Variants in NHERF4 observed in about 807,000 individuals in gnomAD.
The protein encoded by NHERF4 is NHERF family PDZ scaffold protein 4.
At chr11:119,187,254 C>T in the NHERF4 span, 11 of 1,573,462 alleles carry the variant, frequency 7.0e-6, no homozygotes, top group African/African-American at 5.4e-5. Context: ...CCCACGCCCA[C>T]GTGCCCTCTG....
At chr11:119,186,193 TCC>T in the NHERF4 span, 1 of 1,613,988 alleles carries the variant, frequency 6.2e-7, no homozygotes, top group Middle Eastern at 1.6e-4. The surrounding 1 kb of genome is among the most constrained non-coding windows in gnomAD (Gnocchi z 4.4). Context: ...TGGCAACCAT[TCC>T]CTATCCCTGG....
At chr11:119,188,919 C>A in the NHERF4 span, 1 of 1,610,294 alleles carries the variant, frequency 6.2e-7, no homozygotes, top group Non-Finnish European at 8.5e-7. Context: ...GCTGCCTGAT[C>A]GGTCTTCCTC....
the NHERF4 span, chr11:119,188,753 C>T: frequency 4.8e-5 from 77 of 1,613,990 alleles, no homozygotes; most frequent in Non-Finnish European, 5.8e-5. Context: ...AAGACACAAG[C>T]GTGCCTTCTG....
At chr11:119,187,808 T>G in the NHERF4 span, 526 of 1,457,198 alleles carry the variant, frequency 3.6e-4, 3 homozygotes, top group East Asian at 8.6e-3. Flanking sequence ...GTCTCCTACC[T>G]TTATCACCAT....
chr11:119,189,247 G>A, the NHERF4 span: 1 of 1,570,350 alleles, frequency 6.4e-7, no homozygotes, highest in Non-Finnish European at 8.6e-7. The surrounding 1 kb of genome is among the most constrained non-coding windows in gnomAD (Gnocchi z 5.8). Flanking sequence ...TAGCTACAGA[G>A]GGCAGGGAGG....
At chr11:119,188,018 C>T in the NHERF4 span, 4 of 1,561,454 alleles carry the variant, frequency 2.6e-6, no homozygotes, top group Non-Finnish European at 2.6e-6. Context: ...GCTGGGATTG[C>T]CCCTGGCTGC....
the NHERF4 span, chr11:119,186,632 A>G: frequency 3.7e-6 from 6 of 1,613,092 alleles, no homozygotes; most frequent in East Asian, 1.3e-4. The surrounding 1 kb of genome is among the most constrained non-coding windows in gnomAD (Gnocchi z 4.4). Context: ...GGTCTTCAGG[A>G]AGGAGACAGG....
At chr11:119,188,824 G>A in the NHERF4 span, 116 of 1,614,068 alleles carry the variant, frequency 7.2e-5, no homozygotes, top group Middle Eastern at 3.3e-4. Context: ...TATGGCTTCC[G>A]ACTCAGTTGT....
chr11:119,188,896 C>T, the NHERF4 span: 53 of 1,610,932 alleles, frequency 3.3e-5, 2 homozygotes, highest in South Asian at 5.7e-4. Flanking sequence ...ATCTTGAATC[C>T]CTTCGATCCT....
the NHERF4 span, chr11:119,188,604 A>G: frequency 6.2e-7 from 1 of 1,611,486 alleles, no homozygotes; most frequent in South Asian, 1.1e-5. Context: ...GGCAGGGCTG[A>G]GGTCCGAAAG....
chr11:119,188,988 T>G, the NHERF4 span: 1 of 1,613,962 alleles, frequency 6.2e-7, no homozygotes, highest in Non-Finnish European at 8.5e-7. Flanking sequence ...CTGTTCTGCA[T>G]GCCCCCACAA....
At chr11:119,189,313 C>T in the NHERF4 span, 1 of 1,474,838 alleles carries the variant, frequency 6.8e-7, no homozygotes, top group South Asian at 1.2e-5. This position sits in a 1 kb window ranked among gnomAD's most constrained non-coding sequence, Gnocchi z 5.8. Flanking sequence ...GTGGGGTATG[C>T]AGGTTGGGAC....
At chr11:119,188,924 T>G in the NHERF4 span, 2 of 1,611,040 alleles carry the variant, frequency 1.2e-6, no homozygotes, top group African/African-American at 2.7e-5. Flanking sequence ...CTGATCGGTC[T>G]TCCTCTGCTT....
the NHERF4 span, chr11:119,186,248 A>G: frequency 6.2e-7 from 1 of 1,613,292 alleles, no homozygotes; most frequent in Non-Finnish European, 8.5e-7. This position sits in a 1 kb window ranked among gnomAD's most constrained non-coding sequence, Gnocchi z 4.4. Flanking sequence ...CTTGGTAACC[A>G]CTCACTCGGT....
chr11:119,186,223 A>G, the NHERF4 span: 8 of 1,613,820 alleles, frequency 5.0e-6, no homozygotes, highest in East Asian at 4.5e-5. This position sits in a 1 kb window ranked among gnomAD's most constrained non-coding sequence, Gnocchi z 4.4. Flanking sequence ...ACGGCTCCAC[A>G]CGGCCTCCGA....
chr11:119,186,498 G>A, the NHERF4 span: 1 of 1,614,108 alleles, frequency 6.2e-7, no homozygotes, highest in South Asian at 1.1e-5. This position sits in a 1 kb window ranked among gnomAD's most constrained non-coding sequence, Gnocchi z 4.4. Context: ...GCCTGGAGCG[G>A]CCTCGCTTCT....
chr11:119,186,760 A>C, the NHERF4 span: 1 of 1,419,928 alleles, frequency 7.0e-7, no homozygotes, highest in Non-Finnish European at 9.5e-7. This position sits in a 1 kb window ranked among gnomAD's most constrained non-coding sequence, Gnocchi z 4.4. Flanking sequence ...TCCCCTGGGC[A>C]GTATGGCAGC....
the NHERF4 span, chr11:119,189,495 C>CCTCGGATCTACTGT: frequency 6.2e-7 from 1 of 1,614,018 alleles, no homozygotes; most frequent in South Asian, 1.1e-5. This position sits in a 1 kb window ranked among gnomAD's most constrained non-coding sequence, Gnocchi z 5.8. Flanking sequence ...TACTGTAGAG[C>CCTCGGATCTACTGT]ACCCCTGCTT....
At chr11:119,185,530 C>A in the NHERF4 span, 1 of 1,612,410 alleles carries the variant, frequency 6.2e-7, no homozygotes, top group Non-Finnish European at 8.5e-7. Flanking sequence ...CAGGAGAAAT[C>A]CTCTGCAGGG....
Sources: gnomAD v4.1 joint callset for allele counts on GRCh38, gnomAD v4.1.1 for gene constraint, Gnocchi (gnomAD v3.1) non-coding constraint, MANE v1.5 for transcripts, NCBI Gene and HGNC (gene_info 2026-07-23, HGNC 2026-07-21) for gene names.